The following GARNL3 variants were observed in gnomAD, a reference collection of about 807,000 sequenced individuals.
GARNL3 encodes GTPase activating Rap/RanGAP domain like 3, also known as GTPase-activating Rap/Ran-GAP domain-like protein 3.
GARNL3 carries 63 observed loss-of-function variants against 125.0 expected under a neutral mutation model. The observed-to-expected ratio is 0.50, with a 90% CI of 0.41 to 0.62. GARNL3 has a LOEUF of 0.62. GARNL3 is among the 20% of genes least tolerant of loss of function. GARNL3 has a pLI of 0.00. For missense variants in GARNL3, 994 were observed against 1,244.0 expected (o/e 0.80, Z 3.02); for synonymous variants, 439 against 457.5 (o/e 0.96, Z 0.52).
In GARNL3 at chr9:127,384,490, C is replaced by T. The variant is rs1040841734; in HGVS notation, c.2270-537C>T. ...AGGGGCCAGCCCTTAACAAATAACT[C>T]AGCAAACCCCTTGATGCCGAGGGAC... On this transcript the variant is annotated intron_variant, in intron 23 of 27. Coordinates refer to ENST00000373387, the MANE Select transcript of GARNL3 (RefSeq NM_032293.5). This position sits in a 1 kb window ranked among gnomAD's most constrained non-coding sequence, Gnocchi z 4.0. 6.6e-6 allele frequency among the ~76,000 whole-genome samples: 1 copy of T among 152,194 alleles called. No individual in the cohort carries two copies. The highest frequency in any genetic ancestry group is 1.5e-5 in the Non-Finnish European group (1 of 68,042).
intron 9 of GARNL3, among the ~76,000 whole-genome samples, chr9:127,334,953 A>G (rs1829469078): frequency 6.6e-6 from 1 of 152,186 alleles, no homozygotes; most frequent in African/African-American, 2.4e-5. Flanking sequence ...CAAGGCAAGG[A>G]AGCTCAATAC....
chr9:127,345,468 T>TA lies in GARNL3; in HGVS notation c.1428dup (p.Glu477ArgfsTer11), dbSNP rs763344646. On this transcript the variant is annotated frameshift_variant, in exon 16 of 28. Transcript: ENST00000373387. LOFTEE classifies it high-confidence loss of function. ...CAAGCTTGGCAGCTTCAGGGATCTG[T>TA]AAAAAAGAGGTGAGTTCATGATACT... 1 of 1,599,820 alleles carries TA rather than the reference T, an allele frequency of 6.3e-7. No homozygotes were observed. The highest frequency in any genetic ancestry group is 8.5e-7 in the Non-Finnish European group (1 of 1,171,514).
At chr9:127,255,694 G>A (rs941146890) in intron 2 of GARNL3, among the ~76,000 whole-genome samples, 1 of 152,220 alleles carries the variant, frequency 6.6e-6, no homozygotes, top group Non-Finnish European at 1.5e-5. Context: ...TGAGAACCAA[G>A]ATCTAGAATC....
chr9:127,348,416 G>C (rs1830255704), intron 16 of GARNL3, among the ~76,000 whole-genome samples: 1 of 151,864 alleles, frequency 6.6e-6, no homozygotes, highest in Admixed American at 6.6e-5. Flanking sequence ...TTAAGATTTT[G>C]TATCTTATGT....
rs186981438 is a variant in GARNL3 at position 127,287,846 on chromosome 9, G to A, written c.145-3322G>A. Among the ~76,000 whole-genome samples the A allele has an allele frequency of 2.2e-4, 33 of 152,356 alleles. No individual in the cohort carries two copies. The East Asian group carries it at 3.7e-3, about 17-fold the overall frequency. On this transcript the variant is annotated intron_variant, in intron 1 of 27. Transcript: ENST00000373387. ...CCCTTCACTTTGGCCTTTCCTTCAT[G>A]ATAGAGCTGGTAGAATTTCTTTGAC... is the stretch of plus-strand genomic sequence containing the variant.
In GARNL3 at chr9:127,393,127, A is replaced by G. The variant is rs1297544485; in HGVS notation, c.2915A>G (p.Asn972Ser). ...SLESASTSEA[N>S]PEGHSASSDQ... Reference sequence around the variant, plus strand: ...GAAAGTGCTTCTACTTCCGAAGCCAACCCTGAGGGGCACTCAGCCAGCTCT... The same window carrying G: ...GAAAGTGCTTCTACTTCCGAAGCCAGCCCTGAGGGGCACTCAGCCAGCTCT... Residue 972 changes from asparagine to serine, a missense_variant, in exon 28 of 28, where the codon AAC becomes AGC. Asn to Ser is a conservative substitution (Grantham distance 46). Around this residue, in one of 5 missense-constraint regions of GARNL3, gnomAD observed 728 missense variants for 865.7 expected, o/e 0.84. Coordinates refer to ENST00000373387, the MANE Select transcript of GARNL3 (RefSeq NM_032293.5). 2 of 1,610,818 alleles carry G rather than the reference A, an allele frequency of 1.2e-6. No homozygotes were observed. The highest frequency in any genetic ancestry group is 1.7e-6 in the Non-Finnish European group (2 of 1,177,186).
chr9:127,301,925 CTTTTTTTTTTTTTTTTTTTTTT>C (rs754780368), intron 2 of GARNL3, among the ~76,000 whole-genome samples: 1 of 45,396 alleles, frequency 2.2e-5, no homozygotes, highest in South Asian at 1.2e-3. Context: ...ATTGGGAGGA[CTTTTTTTTTTTTTTTTTTTTTT>C]TTTTTTTTTT....
intron 1 of GARNL3, among the ~76,000 whole-genome samples, chr9:127,230,708 C>T (rs2131130019): frequency 6.6e-6 from 1 of 151,244 alleles, no homozygotes; most frequent in East Asian, 1.9e-4. Flanking sequence ...ACCTTTTCCT[C>T]CCCTTGCCTG....
At chr9:127,355,213 T>TC in intron 19 of GARNL3, 84 bp from the exon 20 acceptor site, 2 of 1,087,588 alleles carry the variant, frequency 1.8e-6, no homozygotes, top group Non-Finnish European at 2.8e-6. Flanking sequence ...TTTCCAGGGT[T>TC]CCTAGGTATT....
At chr9:127,232,763 T>C (rs1295944333) in intron 1 of GARNL3, among the ~76,000 whole-genome samples, 2 of 152,252 alleles carry the variant, frequency 1.3e-5, no homozygotes, top group Non-Finnish European at 2.9e-5. Flanking sequence ...TGGGAAAAGA[T>C]GGCTCCAGGT....
intron 2 of GARNL3, among the ~76,000 whole-genome samples, chr9:127,303,270 A>G (rs1227658608): frequency 6.6e-6 from 1 of 152,232 alleles, no homozygotes; most frequent in African/African-American, 2.4e-5. Context: ...ATATGTATAT[A>G]TAGGCTTATG....
intron 1 of GARNL3, among the ~76,000 whole-genome samples, chr9:127,268,482 C>A (rs2131280322): frequency 6.6e-6 from 1 of 152,314 alleles, no homozygotes; most frequent in South Asian, 2.1e-4. Flanking sequence ...CTTCTGATGG[C>A]ACAGTTGCCT....
At chr9:127,238,625 G>A (rs1225296987) in intron 1 of GARNL3, among the ~76,000 whole-genome samples, 1 of 152,214 alleles carries the variant, frequency 6.6e-6, no homozygotes, top group Non-Finnish European at 1.5e-5. Flanking sequence ...CCCCCAGAAA[G>A]CACTTCCACA....
intron 1 of GARNL3, among the ~76,000 whole-genome samples, chr9:127,241,734 G>T (rs1224032806): frequency 6.6e-6 from 1 of 150,746 alleles, no homozygotes; most frequent in Non-Finnish European, 1.5e-5. Context: ...TCATTAGAGT[G>T]ACTTTTTTGA....
intron 1 of GARNL3, among the ~76,000 whole-genome samples, chr9:127,239,258 C>G (rs1353203503): frequency 6.6e-6 from 1 of 152,218 alleles, no homozygotes; most frequent in Non-Finnish European, 1.5e-5. Context: ...ACATACTTAT[C>G]CCTCTCTTCT....
intron 21 of GARNL3, 189 bp from the exon 22 acceptor site, chr9:127,365,111 C>G: frequency 1.2e-5 from 6 of 516,072 alleles, no homozygotes; most frequent in African/African-American, 2.0e-5. Context: ...CTTTTCTTTT[C>G]TTTCTCACTT....
At chr9:127,279,579 C>T (rs1026724337) in intron 1 of GARNL3, among the ~76,000 whole-genome samples, 1 of 152,118 alleles carries the variant, frequency 6.6e-6, no homozygotes, top group Admixed American at 6.5e-5. Flanking sequence ...TTTTATCTCA[C>T]CCACTTGCAC....
intron 1 of GARNL3, among the ~76,000 whole-genome samples, chr9:127,274,276 C>T (rs1396317224): frequency 6.6e-6 from 1 of 152,100 alleles, no homozygotes; most frequent in African/African-American, 2.4e-5. Flanking sequence ...CATTTGGTGA[C>T]CATCTTGAGC....
chr9:127,317,401 C>G (rs2065269218), intron 4 of GARNL3, among the ~76,000 whole-genome samples: 2 of 152,146 alleles, frequency 1.3e-5, no homozygotes, highest in South Asian at 4.1e-4. Flanking sequence ...GTCTTATGGT[C>G]TTTGAGGCTT....
Sources: gnomAD v4.1 joint callset for allele counts (sites outside exome capture counted in the v4.1 genomes callset) on GRCh38, gnomAD v4.1.1 for gene constraint, gnomAD v4.1.1 regional missense constraint, Gnocchi (gnomAD v3.1) non-coding constraint, MANE v1.5 for transcripts, NCBI Gene and HGNC (gene_info 2026-07-23, HGNC 2026-07-21) for gene names.